MSL3: variants seen among roughly 807,000 people sequenced by gnomAD.
MSL3 encodes the protein MSL complex subunit 3, also known as MSL3-like 1.
MSL3 carries 5 observed loss-of-function variants against 37.2 expected under a neutral mutation model. That is an observed-to-expected ratio of 0.13 (90% CI 0.07 to 0.28). MSL3 has a LOEUF of 0.28. Among genes scored for constraint, MSL3 ranks in the 10% least tolerant of loss-of-function variants. The pLI is 1.00. For synonymous variants in MSL3, 149 were observed against 147.6 expected (o/e 1.01, Z -0.07); for missense variants, 315 against 408.5 (o/e 0.77, Z 1.97).
chrX:11,774,916 A>G lies in MSL3; in HGVS notation c.1467-64A>G, dbSNP rs139112901. On this transcript the variant is annotated intron_variant, in intron 12 of 12. Transcript: ENST00000312196. Reference sequence around the variant, plus strand: ...TGAAATGTTAGTAGGTTGAAAGTCAATATTTTGCTTGATGGTATTTAGTCC... The same window carrying G: ...TGAAATGTTAGTAGGTTGAAAGTCAGTATTTTGCTTGATGGTATTTAGTCC... 1.1e-3 allele frequency: 893 copies of G among 793,829 alleles called. 4 individuals carry two copies. In the African/African-American group the frequency reaches 0.017, roughly 15 times the overall value. 65.4% of individuals were successfully genotyped at this position (793,829 alleles called of 1,213,427 possible).
intron 9 of MSL3, chrX:11,766,819 G>A (rs1309438148): frequency 4.0e-6 from 3 of 752,973 alleles, no homozygotes; most frequent in African/African-American, 2.3e-5. Context: ...TCAGCTGCTC[G>A]CAGGCTGTGA....
intron 10 of MSL3, among the ~76,000 whole-genome samples, chrX:11,770,308 G>A (rs1013652533): frequency 8.9e-6 from 1 of 111,748 alleles, no homozygotes; most frequent in East Asian, 2.8e-4. Flanking sequence ...GAAATCCCTA[G>A]TTCAAGCAGT....
chrX:11,768,605 A>C lies in MSL3; in HGVS notation c.1204A>C (p.Ile402Leu). 1 of 1,207,625 alleles carries C rather than the reference A, an allele frequency of 8.3e-7. No homozygotes were observed. The highest frequency in any genetic ancestry group is 3.0e-5 in the East Asian group (1 of 33,853). Residue 402 changes from isoleucine to leucine, a missense_variant, in exon 10 of 13, where the codon ATT becomes CTT. Coordinates refer to ENST00000312196, the MANE Select transcript of MSL3 (RefSeq NM_078629.4). ...TPVHSRSSSP[I>L]PLTPSKEGSA... Reference sequence around the variant, plus strand: ...TGTGCATAGCAGATCATCTTCACCTATTCCTCTGACTCCTAGCAAGGAAGG... The same window carrying C: ...TGTGCATAGCAGATCATCTTCACCTCTTCCTCTGACTCCTAGCAAGGAAGG...
chrX:11,770,880 C>T (rs758124194), intron 10 of MSL3, among the ~76,000 whole-genome samples: 1 of 112,428 alleles, frequency 8.9e-6, no homozygotes, highest in East Asian at 2.8e-4. Context: ...TGTATGTTTC[C>T]TTTGAGTCAC....
chrX:11,761,441 G>T, intron 4 of MSL3, 59 bp from the exon 5 acceptor site: 1 of 750,973 alleles, frequency 1.3e-6, no homozygotes, highest in Non-Finnish European at 2.0e-6. Flanking sequence ...AAGATCTGTA[G>T]ACATAAGGGT....
intron 9 of MSL3, chrX:11,766,291 C>G: frequency 1.3e-6 from 1 of 755,192 alleles, no homozygotes; most frequent in African/African-American, 2.3e-5. Context: ...AGTTTACTTT[C>G]TTTTTTTCCA....
chrX:11,759,679 C>T (rs1452721578), intron 1 of MSL3, 114 bp from the exon 2 acceptor site: 2 of 1,154,807 alleles, frequency 1.7e-6, no homozygotes, highest in African/African-American at 1.8e-5. Flanking sequence ...GGCTGTCGGT[C>T]TAAAAGAGGA....
chrX:11,767,202 T>C lies in MSL3; in HGVS notation c.1172-1371T>C, dbSNP rs771903350. On this transcript the variant is annotated intron_variant, in intron 9 of 12. Transcript: ENST00000312196. ...AAAGTATTTGCTGATTCTTTGAAGA[T>C]TGGGAAGGCTCAGAAGGGCAGAGTT... 1.5e-4 allele frequency: 116 copies of C among 753,024 alleles called. No homozygotes were observed. The African/African-American group carries it at 2.5e-3, about 16-fold the overall frequency. The allele number at this position is 753,024 out of a possible 1,213,427, so 62.1% of individuals were successfully genotyped here. A position where few individuals can be genotyped will look rare whatever the true frequency, so the allele number is the denominator to read the frequency against.
chrX:11,759,309 C>T (rs1169364246), intron 1 of MSL3, among the ~76,000 whole-genome samples: 1 of 111,909 alleles, frequency 8.9e-6, no homozygotes, highest in African/African-American at 3.3e-5. Context: ...ACCGCGTCTG[C>T]TATCCCTCTT....
intron 12 of MSL3, among the ~76,000 whole-genome samples, chrX:11,774,729 C>T (rs2053259966): frequency 9.0e-6 from 1 of 111,059 alleles, no homozygotes; most frequent in Non-Finnish European, 1.9e-5. Context: ...AGACTGCCAC[C>T]TAGTGGAGTG....
At chrX:11,774,638 A>G (rs2053259002) in intron 12 of MSL3, among the ~76,000 whole-genome samples, 1 of 111,728 alleles carries the variant, frequency 9.0e-6, no homozygotes. Flanking sequence ...TGTTTTTAAT[A>G]GTTTGTTTGA....
Position 11,758,806 on chromosome X carries a change from T to A in MSL3, c.102+441T>A, listed in dbSNP as rs1465707506. 4.4e-6 allele frequency: 5 copies of A among 1,148,326 alleles called. No individual in the cohort carries two copies. In the African/African-American group the frequency reaches 7.2e-5, roughly 17 times the overall value. The allele number at this position is 1,148,326 out of a possible 1,213,427, so 94.6% of individuals were successfully genotyped here. On this transcript the variant is annotated intron_variant, in intron 1 of 12. Coordinates refer to ENST00000312196, the MANE Select transcript of MSL3 (RefSeq NM_078629.4). ...TTCATAGTTACACGGCGCTGGCCGCTGACTTGCGACGTTGTGTCCCTGGGA... is the reference window on the plus strand; with the variant it reads ...TTCATAGTTACACGGCGCTGGCCGCAGACTTGCGACGTTGTGTCCCTGGGA...
intron 1 of MSL3, among the ~76,000 whole-genome samples, chrX:11,759,082 C>T (rs928716076): frequency 2.7e-5 from 3 of 111,780 alleles, no homozygotes; most frequent in Non-Finnish European, 5.7e-5. Flanking sequence ...ACCAGGTCTC[C>T]CAGATCCCCA....
At position 11,762,941 on chromosome X, in the gene MSL3, C is replaced by T. The variant is rs1335080428; in HGVS notation, c.693C>T (p.His231=). Residue 231 remains histidine (H), a synonymous_variant, in exon 7 of 13, where the codon CAC becomes CAT. Coordinates refer to ENST00000312196, the MANE Select transcript of MSL3 (RefSeq NM_078629.4). ...AAFSANERPR[H]HHVMPHANMN... is the part of the protein sequence containing the mutation. ...TTTCAGCCAATGAGAGGCCTCGTCA[C>T]CATCACGTTATGCCACATGCCAACA... The T allele has an allele frequency of 6.6e-6, 8 of 1,209,653 alleles. No homozygotes were observed. The highest frequency in any genetic ancestry group is 8.9e-6 in the Non-Finnish European group (8 of 894,940).
At chrX:11,764,067 T>G in intron 8 of MSL3, 129 bp downstream of exon 8, 1 of 594,358 alleles carries the variant, frequency 1.7e-6, no homozygotes, top group East Asian at 3.6e-5. Flanking sequence ...GAAAAGTGTG[T>G]GTCCTGGTGG....
intron 3 of MSL3, 146 bp downstream of exon 3, chrX:11,760,644 T>C (rs2053123449): frequency 2.0e-6 from 1 of 494,100 alleles, no homozygotes; most frequent in South Asian, 4.8e-5. Flanking sequence ...GGAAGAGTGT[T>C]CCTATGGTAT....
At chrX:11,758,769 T>A (rs2053098446) in intron 1 of MSL3, 5 of 1,165,994 alleles carry the variant, frequency 4.3e-6, no homozygotes, top group Non-Finnish European at 5.7e-6. Context: ...GGCCGTCCGA[T>A]CCAGGTTCTA....
intron 1 of MSL3, chrX:11,759,444 C>G: frequency 4.4e-6 from 1 of 229,074 alleles, no homozygotes; most frequent in Non-Finnish European, 7.0e-6. Flanking sequence ...CATCCTGGCA[C>G]TGGACATAGG....
chrX:11,772,339 A>G (rs2053239632), intron 11 of MSL3, 84 bp downstream of exon 11: 1 of 787,084 alleles, frequency 1.3e-6, no homozygotes, highest in Non-Finnish European at 1.8e-6. Context: ...GGTTTGGGCT[A>G]TAATTATCTA....
Sources: gnomAD v4.1 joint callset for allele counts (sites outside exome capture counted in the v4.1 genomes callset) on GRCh38, gnomAD v4.1.1 for gene constraint, MANE v1.5 for transcripts, NCBI Gene and HGNC (gene_info 2026-07-23, HGNC 2026-07-21) for gene names.